The following GPALPP1 variants were observed in gnomAD, a reference collection of about 807,000 sequenced individuals.
The protein encoded by GPALPP1 is GPALPP motifs-containing protein 1.
GPALPP1 carries 30 observed loss-of-function variants against 38.9 expected under a neutral mutation model. The observed-to-expected ratio is 0.77, with a 90% CI of 0.58 to 1.05. The LOEUF is 1.05. Ranked by LOEUF, GPALPP1 falls within the 50% of genes least tolerant of loss-of-function variation. The pLI is 0.00. For synonymous variants in GPALPP1, 120 were observed against 139.2 expected (o/e 0.86, Z 0.97); for missense variants, 384 against 408.8 (o/e 0.94, Z 0.52).
chr13:45,032,625 C>T (rs1482074679), downstream of GPALPP1, among the ~76,000 whole-genome samples: 15 of 150,938 alleles, frequency 9.9e-5, no homozygotes, highest in East Asian at 2.8e-3. Context: ...AGGCTGGTCT[C>T]GAACTCCTGA....
chr13:45,028,209 C>T lies in GPALPP1; in HGVS notation c.*206C>T, dbSNP rs1442945501. On this transcript the variant is annotated 3_prime_UTR_variant, in exon 8 of 8. Transcript: ENST00000379151. ...TTACTGGAAAAATCCCTCATAATAA[C>T]CTAATAGGGCATTGCTATTAAAAAT... The T allele has an allele frequency of 6.5e-6, 2 of 307,980 alleles. No individual in the cohort carries two copies. Among genetic ancestry groups the T allele is most frequent in the African/African-American group, 4.4e-5 (2 of 45,896 alleles). The allele number at this position is 307,980 out of a possible 1,614,324, so 19.1% of individuals were successfully genotyped here. A position where few individuals can be genotyped will look rare whatever the true frequency, so the allele number is the denominator to read the frequency against.
chr13:45,024,164 T>TGTGTGCGTGC (rs1174650891), intron 7 of GPALPP1, among the ~76,000 whole-genome samples: 7 of 35,688 alleles, frequency 2.0e-4, no homozygotes, highest in African/African-American at 4.0e-4. Context: ...TGTGTGTGTG[T>TGTGTGCGTGC]GTGTGTGTGT....
downstream of GPALPP1, among the ~76,000 whole-genome samples, chr13:45,032,780 A>G (rs1226946418): frequency 2.0e-5 from 3 of 150,396 alleles, no homozygotes; most frequent in Non-Finnish European, 3.0e-5. Flanking sequence ...TCACGCCTGT[A>G]ATTCTAGCAC....
chr13:45,028,784 T>A lies in GPALPP1; in HGVS notation c.*781T>A, dbSNP rs1876022820. 1 of 151,070 alleles carries A rather than the reference T, an allele frequency of 6.6e-6. No individual in the cohort carries two copies. Among genetic ancestry groups the A allele is most frequent in the Admixed American group, 6.6e-5 (1 of 15,146 alleles). 9.4% of individuals were successfully genotyped at this position (151,070 alleles called of 1,614,324 possible). ...AGAAAAAAAAAAAGAGGCCAGTGGC[T>A]CACACCTGTAATCCCAGCACTTTGG... On this transcript the variant is annotated 3_prime_UTR_variant, in exon 8 of 8. Transcript: ENST00000379151.
intron 4 of GPALPP1, among the ~76,000 whole-genome samples, chr13:45,009,833 T>G (rs943552179): frequency 6.6e-6 from 1 of 152,188 alleles, no homozygotes; most frequent in Non-Finnish European, 1.5e-5. Flanking sequence ...GTCAACAAAT[T>G]ATTTTGTTCC....
chr13:45,024,145 C>A (rs998411348), intron 7 of GPALPP1, among the ~76,000 whole-genome samples: 2 of 124,436 alleles, frequency 1.6e-5, no homozygotes, highest in Non-Finnish European at 3.3e-5. Context: ...TCCCCTAAAA[C>A]TCTGTGTGTG....
chr13:44,989,827 T>A, intron 1 of GPALPP1, 85 bp downstream of exon 1: 1 of 1,079,554 alleles, frequency 9.3e-7, no homozygotes, highest in Non-Finnish European at 1.4e-6. Context: ...GTCGGAGGCC[T>A]AGGAGGGCGG....
chr13:45,006,301 A>T lies in GPALPP1; in HGVS notation c.321A>T (p.Pro107=). ...TTAAAAAGCAGGATGATTCTCCTCC[A>T]AGGTGATAATGTGTAATATTTTAGG... is the stretch of plus-strand genomic sequence containing the variant. ...PGFKKQDDSP[P]RPIIGPALPP... The change falls in exon 3 of 8, where the codon CCA becomes CCT. Residue 107 remains proline, a splice_region_variant and synonymous_variant. Coordinates refer to ENST00000379151, the MANE Select transcript of GPALPP1 (RefSeq NM_018559.5). The T allele has an allele frequency of 1.3e-6, 2 of 1,522,164 alleles. No homozygotes were observed. Among genetic ancestry groups the T allele is most frequent in the Non-Finnish European group, 1.8e-6 (2 of 1,099,124 alleles). 94.3% of individuals were successfully genotyped at this position (1,522,164 alleles called of 1,614,324 possible).
intron 6 of GPALPP1, 38 bp downstream of exon 6, chr13:45,015,634 C>G (rs773095495): frequency 9.0e-6 from 12 of 1,334,010 alleles, no homozygotes; most frequent in Non-Finnish European, 1.2e-5. Context: ...TATTTCTGTT[C>G]ATGTTGGCTG....
chr13:45,012,943 TC>T (rs2137985934), intron 4 of GPALPP1, among the ~76,000 whole-genome samples: 1 of 152,184 alleles, frequency 6.6e-6, no homozygotes, highest in Non-Finnish European at 1.5e-5. Context: ...CTTAACTTAA[TC>T]CAAACAACAA....
intron 4 of GPALPP1, among the ~76,000 whole-genome samples, chr13:45,009,561 A>G (rs749801571): frequency 6.6e-6 from 1 of 152,224 alleles, no homozygotes; most frequent in Non-Finnish European, 1.5e-5. Context: ...GATCAAAGCC[A>G]TGGCACAAAC....
chr13:45,008,936 ATGTAT>A, intron 4 of GPALPP1, 57 bp downstream of exon 4: 1 of 1,011,916 alleles, frequency 9.9e-7, no homozygotes, highest in South Asian at 1.3e-5. Flanking sequence ...AAAGAATAAG[ATGTAT>A]TGTAACAAAC....
intron 7 of GPALPP1, among the ~76,000 whole-genome samples, chr13:45,025,757 C>T (rs1875785029): frequency 6.6e-6 from 1 of 151,592 alleles, no homozygotes; most frequent in Non-Finnish European, 1.5e-5. Context: ...CTCCATGCTC[C>T]GTGTATTGAT....
At chr13:45,032,607 T>C (rs867940419), downstream of GPALPP1, among the ~76,000 whole-genome samples, 39 of 150,274 alleles carry the variant, frequency 2.6e-4, no homozygotes, top group Middle Eastern at 3.4e-3. Context: ...GGTTTCACCA[T>C]GTTAGTCAGG....
intron 1 of GPALPP1, among the ~76,000 whole-genome samples, chr13:45,000,579 A>T (rs1873602239): frequency 6.6e-6 from 1 of 152,244 alleles, no homozygotes; most frequent in Non-Finnish European, 1.5e-5. Context: ...AAAATTGGCC[A>T]ATAGTATACA....
chr13:44,994,133 G>A (rs554033225), intron 1 of GPALPP1, among the ~76,000 whole-genome samples: 2 of 147,038 alleles, frequency 1.4e-5, no homozygotes, highest in South Asian at 2.2e-4. Flanking sequence ...TGGGAGGATC[G>A]CATGAGCCCA....
At chr13:45,016,817 T>C (rs533077257) in intron 6 of GPALPP1, among the ~76,000 whole-genome samples, 4 of 152,288 alleles carry the variant, frequency 2.6e-5, no homozygotes, top group African/African-American at 9.6e-5. Context: ...TTTTTTATTT[T>C]TTATTTTTGT....
At chr13:45,018,583 C>G (rs1021748338) in intron 6 of GPALPP1, among the ~76,000 whole-genome samples, 3 of 152,002 alleles carry the variant, frequency 2.0e-5, no homozygotes, top group Non-Finnish European at 4.4e-5. Flanking sequence ...AGTAAAACAT[C>G]TATTTTCTGG....
rs74615559 is a variant in GPALPP1, at chr13:45,018,773, G to C, written c.706-1557G>C. The stretch of plus-strand genomic sequence containing the variant: ...TTCCAATTTGGGAGCATATGCTCTA[G>C]AATATTCCTGTAACATTTTTTTGAA... On this transcript the variant is annotated intron_variant, in intron 6 of 7. Transcript: ENST00000379151. 2.7e-3 allele frequency among the ~76,000 whole-genome samples: 405 copies of C among 151,606 alleles called. 1 individual carries two copies. Among genetic ancestry groups the C allele is most frequent in the African/African-American group, 9.2e-3 (382 of 41,352 alleles).
Sources: allele counts gnomAD v4.1 joint callset (sites outside exome capture counted in the v4.1 genomes callset), GRCh38; gene constraint gnomAD v4.1.1; transcripts MANE v1.5; gene names NCBI Gene and HGNC (gene_info 2026-07-23, HGNC 2026-07-21).